The following SLC22A2 variants were observed in gnomAD, a reference collection of about 807,000 sequenced individuals.
The protein encoded by SLC22A2 is organic cation transporter 2.
Under a neutral mutation model 60.5 loss-of-function variants are expected in SLC22A2, and 46 were observed. That is an observed-to-expected ratio of 0.76 (90% CI 0.60 to 0.97). The LOEUF (loss-of-function observed/expected upper bound fraction) is 0.97, where lower values mean the gene tolerates loss of function less well. Among genes scored for constraint, SLC22A2 ranks in the 50% least tolerant of loss-of-function variants. The pLI is 0.00. For synonymous variants in SLC22A2, 303 were observed against 267.0 expected (o/e 1.13, Z -1.31); for missense variants, 701 against 706.6 (o/e 0.99, Z 0.09).
intron 2 of SLC22A2, among the ~76,000 whole-genome samples, chr6:160,251,402 A>C (rs1324411202): frequency 6.6e-6 from 1 of 152,206 alleles, no homozygotes; most frequent in Admixed American, 6.5e-5. Flanking sequence ...TGGGCAACCT[A>C]TTCAACCATA....
intron 1 of SLC22A2, 143 bp downstream of exon 1, chr6:160,258,201 T>G (rs1263774744): frequency 1.5e-5 from 14 of 957,396 alleles, no homozygotes; most frequent in Non-Finnish European, 2.2e-5. Context: ...TGTTCTCATT[T>G]GGAAACTAGG....
At chr6:160,222,007 A>G (rs1431636638) in intron 10 of SLC22A2, among the ~76,000 whole-genome samples, 1 of 152,204 alleles carries the variant, frequency 6.6e-6, no homozygotes, top group Non-Finnish European at 1.5e-5. Context: ...CTGTTAAAAA[A>G]CACAATATCT....
intron 9 of SLC22A2, among the ~76,000 whole-genome samples, chr6:160,228,446 G>A (rs1041413825): frequency 6.6e-6 from 1 of 152,166 alleles, no homozygotes; most frequent in African/African-American, 2.4e-5. Context: ...TTGGGTTTGA[G>A]GACTAACTTA....
intron 6 of SLC22A2, chr6:160,245,079 C>T (rs1308606214): frequency 1.3e-5 from 2 of 158,276 alleles, no homozygotes; most frequent in African/African-American, 4.8e-5. Context: ...CAATAGTTCT[C>T]TAGTTGGGCT....
intron 9 of SLC22A2, among the ~76,000 whole-genome samples, chr6:160,232,549 G>T (rs943622665): frequency 6.8e-6 from 1 of 147,278 alleles, no homozygotes; most frequent in Non-Finnish European, 1.5e-5. Flanking sequence ...ACTATGCAAG[G>T]GTCCTCCATC....
chr6:160,221,957 A>G (rs1444872409), intron 10 of SLC22A2, among the ~76,000 whole-genome samples: 1 of 152,250 alleles, frequency 6.6e-6, no homozygotes. Flanking sequence ...AAATGCTGCA[A>G]ATAAACTTGC....
Position 160,247,298 on chromosome 6 carries a change from C to G in SLC22A2, c.843G>C (p.Trp281Cys). Residue 281 changes from tryptophan to cysteine, a missense_variant and splice_region_variant, in exon 5 of 11, where the codon TGG becomes TGC. By Grantham distance (215) the Trp-to-Cys change is radical (BLOSUM62 -2). Coordinates refer to ENST00000366953, the MANE Select transcript of SLC22A2 (RefSeq NM_003058.4). ...LPNFFFLLYY[W>C]CIPESPRWLI... ...GCCACCTGGGAGACTCAGGTATGCA[C>G]CTAGGGTACAAGGTGAGCGGAGGGC... The G allele has an allele frequency of 6.4e-7, 1 of 1,558,742 alleles. No individual in the cohort carries two copies. Among genetic ancestry groups the G allele is most frequent in the Non-Finnish European group, 8.9e-7 (1 of 1,129,546 alleles).
rs1045573152 is a variant in SLC22A2, at chr6:160,246,573, T to C, written c.957+611A>G. ...ATCAGCCTAGCCAACATGGCGAAACTCTGTCTCTACTAAAAACACAAAAAT... is the reference window on the plus strand; with the variant it reads ...ATCAGCCTAGCCAACATGGCGAAACCCTGTCTCTACTAAAAACACAAAAAT... On this transcript the variant is annotated intron_variant, in intron 5 of 10. Coordinates refer to ENST00000366953, the MANE Select transcript of SLC22A2 (RefSeq NM_003058.4). 3.3e-5 allele frequency among the ~76,000 whole-genome samples: 5 copies of C among 152,088 alleles called. No homozygotes were observed. The East Asian group carries it at 9.8e-4, about 30-fold the overall frequency.
intron 1 of SLC22A2, 86 bp downstream of exon 1, chr6:160,258,258 A>G: frequency 2.1e-6 from 3 of 1,449,340 alleles, no homozygotes; most frequent in Non-Finnish European, 2.8e-6. Flanking sequence ...GGCAGGGTTT[A>G]TAAGAGCCGG....
chr6:160,240,046 G>A (rs1782972997), intron 9 of SLC22A2, among the ~76,000 whole-genome samples: 1 of 152,172 alleles, frequency 6.6e-6, no homozygotes, highest in Non-Finnish European at 1.5e-5. Flanking sequence ...ATGAGTGACT[G>A]AGGAAAATGT....
At position 160,242,375 on chromosome 6, in the gene SLC22A2, G is replaced by A; in HGVS notation, c.1307C>T (p.Ser436Leu). 1 of 1,605,114 alleles carries A rather than the reference G, an allele frequency of 6.2e-7. No individual in the cohort carries two copies. The change falls in exon 8 of 11, where the codon TCA becomes TTA. Residue 436 changes from serine to leucine, a missense_variant. Ser to Leu is a moderately radical substitution (Grantham distance 145, BLOSUM62 -2). Coordinates refer to ENST00000366953, the MANE Select transcript of SLC22A2 (RefSeq NM_003058.4). Reference sequence around the variant, plus strand: ...TGTGATCCCCATTCTTCCCAAGCATGAGATAATAATTTTTAGCCATTGTAG... The same window carrying A: ...TGTGATCCCCATTCTTCCCAAGCATAAGATAATAATTTTTAGCCATTGTAG... ...GDLQWLKIII[S>L]CLGRMGITMA...
chr6:160,227,180 AACT>A (rs1396678918), intron 9 of SLC22A2, among the ~76,000 whole-genome samples: 3 of 152,224 alleles, frequency 2.0e-5, no homozygotes. Context: ...TGAAGAGATT[AACT>A]GAGAGTCTAG....
Position 160,224,687 on chromosome 6 carries a change from G to A in SLC22A2, c.1601+18C>T. 1 of 1,541,294 alleles carries A rather than the reference G, an allele frequency of 6.5e-7. No homozygotes were observed. The highest frequency in any genetic ancestry group is 8.9e-7 in the Non-Finnish European group (1 of 1,124,310). ...AAACCTTTATAGAACAATTCATTTA[G>A]AACTTTCAACTGCCTACCTTTGCAT... On this transcript the variant is annotated intron_variant, in intron 10 of 10. Transcript: ENST00000366953.
chr6:160,230,357 A>T (rs1782801757), intron 9 of SLC22A2, among the ~76,000 whole-genome samples: 1 of 151,820 alleles, frequency 6.6e-6, no homozygotes, highest in Non-Finnish European at 1.5e-5. Context: ...ACCTCTCCCA[A>T]ATCAGTTAGC....
intron 10 of SLC22A2, among the ~76,000 whole-genome samples, chr6:160,221,180 C>A (rs1782639720): frequency 6.6e-6 from 1 of 152,234 alleles, no homozygotes; most frequent in African/African-American, 2.4e-5. Flanking sequence ...TAACTTGCTG[C>A]AGCTTCTACA....
rs1782549704 is a variant in SLC22A2, at chr6:160,217,017, T to C, written c.*415A>G. The C allele has an allele frequency of 6.5e-6, 1 of 153,606 alleles. No homozygotes were observed. Among genetic ancestry groups the C allele is most frequent in the Non-Finnish European group, 1.4e-5 (1 of 69,764 alleles). 9.5% of individuals were successfully genotyped at this position (153,606 alleles called of 1,614,324 possible). Reference sequence around the variant, plus strand: ...GGACAACTTTATATTGTTTTGGGTGTTTTATTTCTTTAAGAAAATAGATGC... The same window carrying C: ...GGACAACTTTATATTGTTTTGGGTGCTTTATTTCTTTAAGAAAATAGATGC... On this transcript the variant is annotated 3_prime_UTR_variant, in exon 11 of 11. Coordinates refer to ENST00000366953, the MANE Select transcript of SLC22A2 (RefSeq NM_003058.4).
intron 1 of SLC22A2, among the ~76,000 whole-genome samples, chr6:160,257,130 C>T (rs1783287766): frequency 1.3e-5 from 2 of 152,232 alleles, no homozygotes; most frequent in Admixed American, 6.5e-5. Context: ...GAAGCTAAAA[C>T]TACAGCATTG....
At chr6:160,226,865 A>G (rs1713356233) in intron 9 of SLC22A2, among the ~76,000 whole-genome samples, 2 of 152,106 alleles carry the variant, frequency 1.3e-5, no homozygotes, top group Non-Finnish European at 2.9e-5. Context: ...GGTGGGGGTC[A>G]GACATATCTC....
chr6:160,253,032 A>G (rs1783213185), intron 2 of SLC22A2, among the ~76,000 whole-genome samples: 1 of 152,184 alleles, frequency 6.6e-6, no homozygotes, highest in South Asian at 2.1e-4. Context: ...TTGATGCAGG[A>G]CAGGCAAGCA....
Sources: gnomAD v4.1 joint callset for allele counts (sites outside exome capture counted in the v4.1 genomes callset) on GRCh38, gnomAD v4.1.1 for gene constraint, MANE v1.5 for transcripts, NCBI Gene and HGNC (gene_info 2026-07-23, HGNC 2026-07-21) for gene names.